The following RPS6KC1 variants were observed in gnomAD, a reference collection of about 807,000 sequenced individuals.
RPS6KC1 encodes the protein inactive ribosomal protein S6 kinase delta-1.
RPS6KC1 carries 54 observed loss-of-function variants against 103.8 expected under a neutral mutation model. The observed-to-expected ratio is 0.52, with a 90% CI of 0.42 to 0.65. The LOEUF is 0.65. RPS6KC1 is among the 30% of genes least tolerant of loss of function. The pLI, the probability that RPS6KC1 is intolerant of heterozygous loss-of-function variation, is 0.00. For missense variants in RPS6KC1, 1,151 were observed against 1,253.8 expected, an observed-to-expected ratio of 0.92 and a Z score of 1.24; for synonymous variants, 439 against 438.7, an observed-to-expected ratio of 1.00 and a Z score of -0.01.
At chr1:213,098,540 A>G (rs1211623375) in intron 3 of RPS6KC1, among the ~76,000 whole-genome samples, 1 of 152,062 alleles carries the variant, frequency 6.6e-6, no homozygotes, top group Non-Finnish European at 1.5e-5. Flanking sequence ...TACTTTCAAT[A>G]TTGTTGTGTC....
At chr1:213,165,900 A>G (rs770092242) in intron 6 of RPS6KC1, among the ~76,000 whole-genome samples, 8 of 152,152 alleles carry the variant, frequency 5.3e-5, no homozygotes, top group Non-Finnish European at 2.9e-5. Flanking sequence ...TATTTCCATC[A>G]CATCATTGTA....
intron 5 of RPS6KC1, among the ~76,000 whole-genome samples, chr1:213,123,858 A>T (rs1338255306): frequency 6.6e-6 from 1 of 152,182 alleles, no homozygotes; most frequent in African/African-American, 2.4e-5. Flanking sequence ...ATAGTCACCC[A>T]TGAGAGACCA....
At chr1:213,690,117 G>A in the RPS6KC1 span, among the ~76,000 whole-genome samples, 3 of 152,128 alleles carry the variant, frequency 2.0e-5, no homozygotes, top group East Asian at 5.8e-4. Flanking sequence ...GGTTTGAATG[G>A]CTCATATTTG....
the RPS6KC1 span, among the ~76,000 whole-genome samples, chr1:213,325,466 G>A: frequency 3.3e-5 from 5 of 152,330 alleles, no homozygotes; most frequent in East Asian, 9.6e-4. Context: ...GCAGTGGTTT[G>A]CAGGGAATAG....
At chr1:213,848,251 C>T in the RPS6KC1 span, among the ~76,000 whole-genome samples, 3 of 152,102 alleles carry the variant, frequency 2.0e-5, no homozygotes, top group Non-Finnish European at 2.9e-5. Flanking sequence ...AGATATAGAA[C>T]ATTTTCAAAA....
the RPS6KC1 span, among the ~76,000 whole-genome samples, chr1:213,620,148 C>T: frequency 1.3e-5 from 2 of 152,192 alleles, no homozygotes; most frequent in South Asian, 4.1e-4. Flanking sequence ...TTGTGTATGG[C>T]TGCTTAACAA....
chr1:213,833,455 C>T, the RPS6KC1 span, among the ~76,000 whole-genome samples: 3 of 152,184 alleles, frequency 2.0e-5, no homozygotes, highest in Admixed American at 6.5e-5. Flanking sequence ...CTGACATTAA[C>T]TAGGCTTCTG....
chr1:213,478,262 T>C, the RPS6KC1 span, among the ~76,000 whole-genome samples: 2 of 152,200 alleles, frequency 1.3e-5, no homozygotes, highest in East Asian at 3.8e-4. Flanking sequence ...ATTCACTGAT[T>C]ATAGGACATC....
chr1:213,774,597 A>G, the RPS6KC1 span, among the ~76,000 whole-genome samples: 12 of 152,258 alleles, frequency 7.9e-5, no homozygotes, highest in African/African-American at 1.7e-4. Context: ...AAGAGAGTTC[A>G]TGTACATTGA....
At chr1:213,454,474 T>C in the RPS6KC1 span, among the ~76,000 whole-genome samples, 1 of 152,250 alleles carries the variant, frequency 6.6e-6, no homozygotes, top group Non-Finnish European at 1.5e-5. Flanking sequence ...TCTAAACTTA[T>C]ACCTGGAAGG....
At chr1:213,388,964 A>G in the RPS6KC1 span, among the ~76,000 whole-genome samples, 2 of 152,232 alleles carry the variant, frequency 1.3e-5, no homozygotes, top group Admixed American at 6.5e-5. Context: ...GGACTGCTTT[A>G]TGCTGACTTT....
the RPS6KC1 span, among the ~76,000 whole-genome samples, chr1:213,861,622 C>T: frequency 6.6e-6 from 1 of 152,206 alleles, no homozygotes; most frequent in Non-Finnish European, 1.5e-5. Context: ...TGCAGATGTG[C>T]ACAGTTTACA....
chr1:213,141,957 T>G (rs888714280), intron 6 of RPS6KC1, among the ~76,000 whole-genome samples: 1 of 152,064 alleles, frequency 6.6e-6, no homozygotes, highest in Non-Finnish European at 1.5e-5. Flanking sequence ...TCTGTCTAGT[T>G]CTGTCAGTGG....
the RPS6KC1 span, among the ~76,000 whole-genome samples, chr1:213,683,891 C>T: frequency 1.3e-5 from 2 of 152,128 alleles, no homozygotes; most frequent in South Asian, 4.2e-4. Context: ...GGGAAGTCCT[C>T]GCTAACTGGA....
intron 2 of RPS6KC1, among the ~76,000 whole-genome samples, chr1:213,076,359 A>C (rs1188631986): frequency 1.3e-5 from 2 of 152,222 alleles, no homozygotes; most frequent in Non-Finnish European, 2.9e-5. Context: ...TACAGAGGGT[A>C]GGTTTTTTGG....
At chr1:213,392,745 C>T in the RPS6KC1 span, among the ~76,000 whole-genome samples, 1 of 152,296 alleles carries the variant, frequency 6.6e-6, no homozygotes, top group East Asian at 1.9e-4. Flanking sequence ...GAAAACTGCT[C>T]CCACAAACTG....
downstream of RPS6KC1, among the ~76,000 whole-genome samples, chr1:213,277,738 A>C (rs1479109270): frequency 6.6e-6 from 1 of 152,190 alleles, no homozygotes; most frequent in African/African-American, 2.4e-5. Flanking sequence ...AGAGGCCATG[A>C]GTGTTTGCGA....
chr1:213,177,968 C>G (rs2091986862), intron 8 of RPS6KC1, among the ~76,000 whole-genome samples: 1 of 151,790 alleles, frequency 6.6e-6, no homozygotes, highest in South Asian at 2.1e-4. Flanking sequence ...CTTTGGGAGG[C>G]CGAGGTGGGC....
At chr1:213,429,764 C>T in the RPS6KC1 span, among the ~76,000 whole-genome samples, 6,729 of 152,250 alleles carry the variant, frequency 0.044, 163 homozygotes, top group African/African-American at 0.06. Context: ...TTTCCCCAGA[C>T]GGAATGAGCA....
Sources: gnomAD v4.1 joint callset for allele counts (sites outside exome capture counted in the v4.1 genomes callset) on GRCh38, gnomAD v4.1.1 for gene constraint, MANE v1.5 for transcripts, NCBI Gene and HGNC (gene_info 2026-07-23, HGNC 2026-07-21) for gene names.